KIF13B: variants seen among roughly 807,000 people sequenced by gnomAD.
KIF13B encodes kinesin-like protein KIF13B.
A neutral mutation model predicts 222.0 loss-of-function variants in KIF13B; 127 were observed. The ratio of observed to expected loss-of-function variants is 0.57; its 90% CI spans 0.50 to 0.66. The LOEUF (loss-of-function observed/expected upper bound fraction) is 0.66. KIF13B is among the 30% of genes least tolerant of loss of function. The pLI is 0.00. For synonymous variants in KIF13B, 976 were observed against 919.0 expected, an observed-to-expected ratio of 1.06 and a Z score of -1.12; for missense variants, 2,173 against 2,379.0, an observed-to-expected ratio of 0.91 and a Z score of 1.80.
At chr8:29,209,913 G>T (rs182341149) in intron 2 of KIF13B, among the ~76,000 whole-genome samples, 98 of 152,000 alleles carry the variant, frequency 6.4e-4, no homozygotes, top group African/African-American at 2.3e-3. Context: ...AAATAGCTGG[G>T]TGTGGTGATG....
chr8:29,140,082 T>A lies in KIF13B; in HGVS notation c.2594A>T (p.Glu865Val). ...ACTTACCATGCACACCAGTTTGTTC[T>A]CCTGGGTCTCCTTCTCAAAGGAGAC... Reference protein sequence around the residue: ...AEVSFEKETQENKLVCMVKIL... With the variant: ...AEVSFEKETQVNKLVCMVKIL... Residue 865 changes from glutamate (E) to valine (V), a missense_variant, in exon 21 of 40, where the codon GAG (glutamate) becomes GTG (valine). Glu to Val is a moderately radical substitution (Grantham distance 121). This residue lies in a region of KIF13B where 1,480 missense variants were observed against 1,722.8 expected (regional missense o/e 0.86). Coordinates refer to ENST00000524189, the MANE Select transcript of KIF13B (RefSeq NM_015254.4). 1 of 1,596,900 alleles carries A rather than the reference T, an allele frequency of 6.3e-7. No individual in the cohort carries two copies. Among genetic ancestry groups the A allele is most frequent in the Non-Finnish European group, 8.5e-7 (1 of 1,171,820 alleles).
intron 2 of KIF13B, among the ~76,000 whole-genome samples, chr8:29,216,988 G>A (rs1814513615): frequency 6.6e-6 from 1 of 152,036 alleles, no homozygotes. Context: ...TGTCTTAAGT[G>A]CACTGTAAGT....
intron 1 of KIF13B, among the ~76,000 whole-genome samples, chr8:29,250,494 C>G (rs554861824): frequency 2.0e-4 from 31 of 152,136 alleles, no homozygotes; most frequent in Non-Finnish European, 3.8e-4. Flanking sequence ...ACAAAAAAAT[C>G]ACCTAATAAC....
chr8:29,261,261 CTAT>C (rs1816670543), intron 1 of KIF13B, among the ~76,000 whole-genome samples: 1 of 152,208 alleles, frequency 6.6e-6, no homozygotes, highest in Non-Finnish European at 1.5e-5. Context: ...ACAGCTAAAA[CTAT>C]TATTCTTTGC....
chr8:29,111,583 T>TTTA (rs1809356355), intron 32 of KIF13B, among the ~76,000 whole-genome samples: 1 of 152,250 alleles, frequency 6.6e-6, no homozygotes. Flanking sequence ...TGAGGTTATG[T>TTTA]TTATCTTCAA....
rs886218306 is a variant in KIF13B at position 29,068,680 on chromosome 8, G to A, written c.*1824C>T. On this transcript the variant is annotated 3_prime_UTR_variant, in exon 40 of 40. Transcript: ENST00000524189. This position sits in a 1 kb window ranked among gnomAD's most constrained non-coding sequence, Gnocchi z 4.4. Reference sequence around the variant, plus strand: ...AGAGCGTCCCCACTACACGGCCCAGGCGTTTCCCCTCAGGGCAGCAGCAGT... The same window carrying A: ...AGAGCGTCCCCACTACACGGCCCAGACGTTTCCCCTCAGGGCAGCAGCAGT... The A allele has an allele frequency of 5.9e-5, 9 of 152,344 alleles. No individual in the cohort carries two copies. Among genetic ancestry groups the A allele is most frequent in the Admixed American group, 5.2e-4 (8 of 15,282 alleles). The allele number at this position is 152,344 out of a possible 1,614,324, so 9.4% of individuals were successfully genotyped here.
intron 5 of KIF13B, among the ~76,000 whole-genome samples, chr8:29,187,891 G>A (rs57862300): frequency 0.041 from 6,181 of 152,182 alleles, 426 homozygotes; most frequent in African/African-American, 0.14. Flanking sequence ...GACGCTGAAG[G>A]GCAGAGAGGT....
In KIF13B at chr8:29,177,681, C is replaced by T. The variant is rs1033871605; in HGVS notation, c.721-103G>A. 1.3e-5 allele frequency: 10 copies of T among 776,750 alleles called. No homozygotes were observed. In the East Asian group the frequency reaches 2.5e-4, roughly 19 times the overall value. 48.1% of individuals were successfully genotyped at this position (776,750 alleles called of 1,614,324 possible). A position where few individuals can be genotyped will look rare whatever the true frequency, so the allele number is the denominator to read the frequency against. ...CTTTGGGAGGACAAGGAAGGAGGAT[C>T]ACCTGAGCCCAGGATTTCAAAAACA... On this transcript the variant is annotated intron_variant, in intron 8 of 39. Coordinates refer to ENST00000524189, the MANE Select transcript of KIF13B (RefSeq NM_015254.4).
intron 37 of KIF13B, among the ~76,000 whole-genome samples, chr8:29,082,524 C>T (rs1807858166): frequency 1.3e-5 from 2 of 152,062 alleles, no homozygotes; most frequent in African/African-American, 2.4e-5. Context: ...CTCCTGTGGT[C>T]CCAGCTACTC....
intron 1 of KIF13B, among the ~76,000 whole-genome samples, chr8:29,247,897 T>C (rs1409722206): frequency 1.4e-5 from 2 of 143,660 alleles, no homozygotes; most frequent in African/African-American, 2.6e-5. Flanking sequence ...AGGATCTGAA[T>C]ATACGTCTCT....
chr8:29,157,335 G>A (rs373227619), intron 13 of KIF13B, among the ~76,000 whole-genome samples: 5 of 143,206 alleles, frequency 3.5e-5, no homozygotes, highest in Admixed American at 2.3e-4. Flanking sequence ...CAGGAGAATC[G>A]CTTGAACCTA....
At chr8:29,136,076 C>G (rs1262435132) in intron 21 of KIF13B, among the ~76,000 whole-genome samples, 1 of 152,202 alleles carries the variant, frequency 6.6e-6, no homozygotes, top group East Asian at 1.9e-4. Context: ...ATAGCTACTT[C>G]CTGACAGGCT....
At chr8:29,077,356 C>T (rs909534731) in intron 37 of KIF13B, among the ~76,000 whole-genome samples, 2 of 152,244 alleles carry the variant, frequency 1.3e-5, no homozygotes, top group Admixed American at 6.5e-5. Flanking sequence ...CACACTGCCA[C>T]GCAGTCCTCG....
chr8:29,194,263 T>G (rs955125165), intron 3 of KIF13B, among the ~76,000 whole-genome samples: 1 of 151,566 alleles, frequency 6.6e-6, no homozygotes, highest in African/African-American at 2.4e-5. Context: ...AGGTTCTAAA[T>G]GGCACTCTCC....
chr8:29,122,589 A>C lies in KIF13B; in HGVS notation c.3535+2T>G, dbSNP rs749267222. On this transcript the variant is annotated splice_donor_variant, in intron 29 of 39. Transcript: ENST00000524189. LOFTEE classifies it high-confidence loss of function. ...GCCTTCAGAAAACACCTCCTAACTT[A>C]CCATTTAAGTCCAGGAATATAACAG... The C allele has an allele frequency of 6.2e-7, 1 of 1,608,020 alleles. No homozygotes were observed. Among genetic ancestry groups the C allele is most frequent in the Non-Finnish European group, 8.5e-7 (1 of 1,176,838 alleles).
At chr8:29,198,425 G>T (rs569172665) in intron 2 of KIF13B, among the ~76,000 whole-genome samples, 2 of 152,052 alleles carry the variant, frequency 1.3e-5, no homozygotes, top group Admixed American at 1.3e-4. Context: ...GGGTTCAAGC[G>T]ATTCTCCAGG....
chr8:29,125,747 G>GAA (rs34392914), intron 26 of KIF13B, among the ~76,000 whole-genome samples: 108 of 143,434 alleles, frequency 7.5e-4, no homozygotes, highest in Middle Eastern at 3.5e-3. Flanking sequence ...GAAAACAAAG[G>GAA]AAAAAAAAAA....
intron 35 of KIF13B, among the ~76,000 whole-genome samples, chr8:29,103,552 C>T (rs973003446): frequency 5.3e-5 from 8 of 152,072 alleles, no homozygotes; most frequent in Admixed American, 5.2e-4. Flanking sequence ...AAGACTTATC[C>T]CAAGAGTGAT....
intron 26 of KIF13B, 89 bp downstream of exon 26, chr8:29,126,393 T>G (rs1810110801): frequency 2.3e-6 from 2 of 874,360 alleles, no homozygotes; most frequent in Non-Finnish European, 3.6e-6. Flanking sequence ...TGTTTAATCC[T>G]TAAATAACAG....
Sources: gnomAD v4.1 joint callset for allele counts (sites outside exome capture counted in the v4.1 genomes callset) on GRCh38, gnomAD v4.1.1 for gene constraint, gnomAD v4.1.1 regional missense constraint, Gnocchi (gnomAD v3.1) non-coding constraint, MANE v1.5 for transcripts, NCBI Gene and HGNC (gene_info 2026-07-23, HGNC 2026-07-21) for gene names.